DLGAP2: variants seen among roughly 807,000 people sequenced by gnomAD.
DLGAP2 encodes the protein DLG associated protein 2.
In DLGAP2, 26 loss-of-function variants were observed where a neutral mutation model predicts 100.3. The observed-to-expected ratio is 0.26, with a 90% CI of 0.19 to 0.36. The LOEUF (loss-of-function observed/expected upper bound fraction) is 0.36, where lower values mean the gene tolerates loss of function less well. Among genes scored for constraint, DLGAP2 ranks in the 10% least tolerant of loss-of-function variants. The pLI, the probability that DLGAP2 is intolerant of heterozygous loss-of-function variation, is 1.00. For missense variants in DLGAP2, 1,858 were observed against 1,453.2 expected, an observed-to-expected ratio of 1.28 and a Z score of -4.53; for synonymous variants, 886 against 630.1, an observed-to-expected ratio of 1.41 and a Z score of -6.08.
intron 3 of DLGAP2, among the ~76,000 whole-genome samples, chr8:1,444,284 A>G (rs1436548863): frequency 6.6e-6 from 1 of 152,204 alleles, no homozygotes; most frequent in Admixed American, 6.5e-5. Context: ...TGGCTGAAAT[A>G]TAATTTGCTT....
chr8:1,362,775 T>C (rs1432081325), intron 3 of DLGAP2, among the ~76,000 whole-genome samples: 4 of 152,230 alleles, frequency 2.6e-5, no homozygotes, highest in Admixed American at 6.5e-5. Context: ...CTGTACTTCT[T>C]TGACCCCATG....
At chr8:1,202,948 G>A (rs143663061) in intron 2 of DLGAP2, among the ~76,000 whole-genome samples, 48 of 152,272 alleles carry the variant, frequency 3.2e-4, no homozygotes, top group South Asian at 1.2e-3. Context: ...ATGCGCTCCC[G>A]AGAAGCTGAG....
intron 6 of DLGAP2, among the ~76,000 whole-genome samples, chr8:1,618,010 T>C (rs908460480): frequency 6.6e-6 from 1 of 152,058 alleles, no homozygotes; most frequent in Non-Finnish European, 1.5e-5. Flanking sequence ...ACATTAAGGG[T>C]GCAACATTTA....
chr8:857,433 C>T (rs2128988993), intron 1 of DLGAP2, among the ~76,000 whole-genome samples: 1 of 152,292 alleles, frequency 6.6e-6, no homozygotes, highest in South Asian at 2.1e-4. Flanking sequence ...GCAAAACACA[C>T]ACCTGATGGA....
intron 4 of DLGAP2, among the ~76,000 whole-genome samples, chr8:1,510,007 G>A (rs977226911): frequency 2.8e-4 from 42 of 152,200 alleles, no homozygotes; most frequent in African/African-American, 8.7e-4. Context: ...TCCCGAACAT[G>A]ATTTCCATGA....
At chr8:1,124,647 C>A (rs1796125248) in intron 2 of DLGAP2, among the ~76,000 whole-genome samples, 1 of 152,158 alleles carries the variant, frequency 6.6e-6, no homozygotes. Flanking sequence ...AAACAGGAAA[C>A]CTGCATTTTA....
chr8:1,420,589 A>G (rs150942711), intron 3 of DLGAP2, among the ~76,000 whole-genome samples: 3 of 152,224 alleles, frequency 2.0e-5, no homozygotes, highest in East Asian at 3.9e-4. Flanking sequence ...ATGATCTTCT[A>G]TGTTGAGCAT....
Position 1,701,511 on chromosome 8 carries a change from C to T in DLGAP2, c.*105C>T, listed in dbSNP as rs1161707639. ...TGTCTCCTCCTCCCGCTGAACACGT[C>T]CTCGCTCCCGCGCTCCCCGCGCCCC... On this transcript the variant is annotated 3_prime_UTR_variant, in exon 15 of 15. Transcript: ENST00000637795. 1.6e-6 allele frequency: 2 copies of T among 1,227,532 alleles called. No homozygotes were observed. Among genetic ancestry groups the T allele is most frequent in the Non-Finnish European group, 2.2e-6 (2 of 903,022 alleles). 76.0% of individuals were successfully genotyped at this position (1,227,532 alleles called of 1,614,324 possible). A position where few individuals can be genotyped will look rare whatever the true frequency, so the allele number is the denominator to read the frequency against.
At chr8:1,245,498 C>T (rs1386638528) in intron 2 of DLGAP2, among the ~76,000 whole-genome samples, 1 of 152,150 alleles carries the variant, frequency 6.6e-6, no homozygotes, top group Non-Finnish European at 1.5e-5. Context: ...TCATGAAAAC[C>T]ACAGATAGGA....
At chr8:982,614 G>A (rs2129014714) in intron 2 of DLGAP2, among the ~76,000 whole-genome samples, 1 of 152,260 alleles carries the variant, frequency 6.6e-6, no homozygotes, top group Admixed American at 6.5e-5. Context: ...AGGAAGATGA[G>A]GATTCTTTGC....
chr8:1,530,650 G>A (rs1193942687), intron 4 of DLGAP2, among the ~76,000 whole-genome samples: 1 of 152,194 alleles, frequency 6.6e-6, no homozygotes, highest in Admixed American at 6.5e-5. Context: ...AGAGACTGCA[G>A]TAAAGACAGG....
In DLGAP2 at chr8:1,624,456, C is replaced by T. The variant is rs571200834; in HGVS notation, c.1443-2284C>T. On this transcript the variant is annotated intron_variant, in intron 6 of 14. Coordinates refer to ENST00000637795, the MANE Select transcript of DLGAP2 (RefSeq NM_001346810.2). ...ACTCTGTATTAAACACGCACAGGCACGTGGACACATTCAAAGGAAGCCAGC... is the reference window on the plus strand; with the variant it reads ...ACTCTGTATTAAACACGCACAGGCATGTGGACACATTCAAAGGAAGCCAGC... Among the ~76,000 whole-genome samples, 9 of 152,006 alleles carry T rather than the reference C, an allele frequency of 5.9e-5. No individual in the cohort carries two copies. In the South Asian group the frequency reaches 8.4e-4, roughly 14 times the overall value.
chr8:1,211,643 A>C (rs566421353), intron 2 of DLGAP2, among the ~76,000 whole-genome samples: 2 of 152,314 alleles, frequency 1.3e-5, no homozygotes, highest in Middle Eastern at 6.8e-3. Flanking sequence ...TGGGAGGCCA[A>C]GGTGGGTGGA....
intron 4 of DLGAP2, among the ~76,000 whole-genome samples, chr8:1,540,725 C>G (rs13271550): frequency 0.45 from 67,742 of 152,128 alleles, 15,826 homozygotes; most frequent in South Asian, 0.66. Context: ...CGTGGGCGGC[C>G]GTGACCAGCA....
At chr8:1,245,343 C>T (rs983087226) in intron 2 of DLGAP2, among the ~76,000 whole-genome samples, 6 of 152,196 alleles carry the variant, frequency 3.9e-5, no homozygotes, top group African/African-American at 1.4e-4. Context: ...CAACCCAGGT[C>T]AAGTATCCGG....
At chr8:1,503,302 C>A (rs1275895494) in intron 4 of DLGAP2, among the ~76,000 whole-genome samples, 8 of 151,478 alleles carry the variant, frequency 5.3e-5, no homozygotes, top group Non-Finnish European at 1.2e-4. Flanking sequence ...CCCTCCCCAG[C>A]CCTGGAACCC....
At position 1,357,555 on chromosome 8, in the gene DLGAP2, G is replaced by A. The variant is rs139096085; in HGVS notation, c.106+98672G>A. Among the ~76,000 whole-genome samples the A allele has an allele frequency of 1.6e-3, 244 of 152,214 alleles. 3 individuals are homozygous for A. The highest frequency in any genetic ancestry group is 5.5e-3 in the African/African-American group (230 of 41,548). On this transcript the variant is annotated intron_variant, in intron 3 of 14. Coordinates refer to ENST00000637795, the MANE Select transcript of DLGAP2 (RefSeq NM_001346810.2). The stretch of plus-strand genomic sequence containing the variant: ...ACAGCAAATATTTCCCGCCTCACAG[G>A]TGCCCTGGTATTTTAGTGCAGAAAA...
At chr8:1,480,817 G>T (rs951922104) in intron 3 of DLGAP2, among the ~76,000 whole-genome samples, 1 of 151,350 alleles carries the variant, frequency 6.6e-6, no homozygotes, top group Non-Finnish European at 1.5e-5. Context: ...AGTGAGCTGA[G>T]ATCACGCCAT....
intron 3 of DLGAP2, among the ~76,000 whole-genome samples, chr8:1,430,287 T>G (rs529540023): frequency 1.3e-5 from 2 of 151,948 alleles, no homozygotes; most frequent in Non-Finnish European, 2.9e-5. Context: ...TTGCTAAAAA[T>G]AAGAAGAAAA....
Sources: allele counts gnomAD v4.1 joint callset (sites outside exome capture counted in the v4.1 genomes callset), GRCh38; gene constraint gnomAD v4.1.1; transcripts MANE v1.5; gene names NCBI Gene and HGNC (gene_info 2026-07-23, HGNC 2026-07-21).